Variants in GNAO1 observed in about 807,000 individuals in gnomAD.
GNAO1 encodes guanine nucleotide-binding protein G(o) subunit alpha.
For missense variants in GNAO1, 166 were observed against 478.7 expected, an observed-to-expected ratio of 0.35 and a Z score of 6.10; for synonymous variants, 164 against 180.7, an observed-to-expected ratio of 0.91 and a Z score of 0.74.
At chr16:56,257,282 G>A (rs1282534086) in intron 2 of GNAO1, among the ~76,000 whole-genome samples, 1 of 152,170 alleles carries the variant, frequency 6.6e-6, no homozygotes, top group South Asian at 2.1e-4. Flanking sequence ...TAGCCCTGGG[G>A]CACTCCAGTG....
At chr16:56,232,395 G>A (rs2036597479) in intron 2 of GNAO1, among the ~76,000 whole-genome samples, 1 of 152,174 alleles carries the variant, frequency 6.6e-6, no homozygotes, top group Non-Finnish European at 1.5e-5. Flanking sequence ...GGTTCTGTGA[G>A]CTTTAAACTT....
intron 6 of GNAO1, chr16:56,344,857 G>T: frequency 1.0e-6 from 1 of 985,442 alleles, no homozygotes; most frequent in Non-Finnish European, 1.2e-6. Context: ...AAGGCCTTTG[G>T]GCTGGGGATT....
chr16:56,290,805 C>T (rs2037223522), intron 3 of GNAO1, among the ~76,000 whole-genome samples: 1 of 152,198 alleles, frequency 6.6e-6, no homozygotes, highest in Non-Finnish European at 1.5e-5. Context: ...CCTCCCTACC[C>T]CTCTGCCTGC....
intron 3 of GNAO1, among the ~76,000 whole-genome samples, chr16:56,299,820 T>C (rs760107469): frequency 4.6e-5 from 7 of 152,180 alleles, no homozygotes; most frequent in Non-Finnish European, 7.3e-5. Context: ...CCACTCTGCC[T>C]GGCTTATTAC....
At chr16:56,255,813 A>G (rs1158535568) in intron 2 of GNAO1, among the ~76,000 whole-genome samples, 1 of 152,138 alleles carries the variant, frequency 6.6e-6, no homozygotes, top group Non-Finnish European at 1.5e-5. Context: ...CTTTTCCCTT[A>G]TAAATTATAT....
chr16:56,224,898 G>A (rs971971532), intron 2 of GNAO1, among the ~76,000 whole-genome samples: 4 of 152,326 alleles, frequency 2.6e-5, no homozygotes, highest in African/African-American at 4.8e-5. Context: ...CTCGTTTCAG[G>A]TGCCCTTTAG....
intron 3 of GNAO1, among the ~76,000 whole-genome samples, chr16:56,308,598 C>T (rs1293463458): frequency 6.6e-6 from 1 of 152,090 alleles, no homozygotes; most frequent in African/African-American, 2.4e-5. Context: ...GGATCTGGCT[C>T]AGGGAGAAGG....
At chr16:56,281,647 T>C (rs1322819656) in intron 3 of GNAO1, among the ~76,000 whole-genome samples, 1 of 151,996 alleles carries the variant, frequency 6.6e-6, no homozygotes, top group South Asian at 2.1e-4. Flanking sequence ...CTCATTATTA[T>C]GTAAATTGTC....
chr16:56,247,152 C>T (rs1465195335), intron 2 of GNAO1, among the ~76,000 whole-genome samples: 1 of 152,224 alleles, frequency 6.6e-6, no homozygotes, highest in African/African-American at 2.4e-5. Context: ...CTACCCAGGT[C>T]AGCATGGCCC....
chr16:56,230,647 G>A (rs990022908), intron 2 of GNAO1, among the ~76,000 whole-genome samples: 2 of 152,022 alleles, frequency 1.3e-5, no homozygotes, highest in Non-Finnish European at 2.9e-5. Context: ...ACATAGCTAA[G>A]GGCCCCTTTT....
intron 2 of GNAO1, among the ~76,000 whole-genome samples, chr16:56,256,688 C>CTCTCTGTCTCTCTG (rs377550001): frequency 3.5e-5 from 4 of 114,446 alleles, no homozygotes; most frequent in African/African-American, 1.5e-4. Flanking sequence ...TTCTCTCTGT[C>CTCTCTGTCTCTCTG]TCTCTCTCTC....
At chr16:56,343,473 G>A (rs1261607098) in intron 6 of GNAO1, among the ~76,000 whole-genome samples, 3 of 132,124 alleles carry the variant, frequency 2.3e-5, no homozygotes, top group Admixed American at 8.1e-5. Context: ...GAGCAACAGA[G>A]CAAGACCCTA....
chr16:56,343,883 A>G, intron 6 of GNAO1: 1 of 1,614,190 alleles, frequency 6.2e-7, no homozygotes, highest in Non-Finnish European at 8.5e-7. Context: ...AACAACATCC[A>G]GTTTGTCTTT....
At chr16:56,196,058 C>G (rs1217024451) in intron 2 of GNAO1, among the ~76,000 whole-genome samples, 1 of 152,016 alleles carries the variant, frequency 6.6e-6, no homozygotes, top group African/African-American at 2.4e-5. Context: ...TTAAGAGATA[C>G]CAGTTTAGAG....
At chr16:56,328,009 A>G (rs1013185106) in intron 3 of GNAO1, among the ~76,000 whole-genome samples, 6 of 152,100 alleles carry the variant, frequency 3.9e-5, no homozygotes, top group Admixed American at 3.9e-4. Context: ...TTGGCATGAG[A>G]TATTTTTGCC....
At chr16:56,246,297 G>A (rs1278798188) in intron 2 of GNAO1, among the ~76,000 whole-genome samples, 1 of 152,180 alleles carries the variant, frequency 6.6e-6, no homozygotes, top group Non-Finnish European at 1.5e-5. Flanking sequence ...AGGTCATGTT[G>A]TGGAAAACCC....
chr16:56,259,106 G>C (rs2036880047), intron 2 of GNAO1, among the ~76,000 whole-genome samples: 1 of 152,200 alleles, frequency 6.6e-6, no homozygotes, highest in Admixed American at 6.5e-5. Context: ...TTGGAGCTGG[G>C]GACATGCAGG....
chr16:56,293,581 T>C (rs2037254390), intron 3 of GNAO1, among the ~76,000 whole-genome samples: 1 of 152,204 alleles, frequency 6.6e-6, no homozygotes, highest in Admixed American at 6.5e-5. Flanking sequence ...GCACACATAC[T>C]TTGGTGGAAT....
intron 3 of GNAO1, among the ~76,000 whole-genome samples, chr16:56,325,619 C>T (rs3790105): frequency 0.019 from 2,919 of 152,266 alleles, 48 homozygotes; most frequent in South Asian, 0.086. Context: ...CTCCAGGACT[C>T]GTGCGGTCTG....
Sources: gnomAD v4.1 joint callset for allele counts (sites outside exome capture counted in the v4.1 genomes callset) on GRCh38, gnomAD v4.1.1 for gene constraint, MANE v1.5 for transcripts, NCBI Gene and HGNC (gene_info 2026-07-23, HGNC 2026-07-21) for gene names.